Variants in HSD17B3 observed in about 807,000 individuals in gnomAD.
HSD17B3 encodes 17-beta-hydroxysteroid dehydrogenase type 3.
A neutral mutation model predicts 41.1 loss-of-function variants in HSD17B3; 29 were observed. The observed-to-expected ratio is 0.71, with a 90% CI of 0.53 to 0.96. The LOEUF (loss-of-function observed/expected upper bound fraction) is 0.96, where lower values mean the gene tolerates loss of function less well. Ranked by LOEUF, HSD17B3 falls within the 40% of genes least tolerant of loss-of-function variation. HSD17B3 has a pLI of 0.00. For synonymous variants in HSD17B3, 126 were observed against 145.6 expected, an observed-to-expected ratio of 0.87 and a Z score of 0.97; for missense variants, 323 against 374.6, an observed-to-expected ratio of 0.86 and a Z score of 1.14.
At chr9:96,282,754 G>T (rs906923503) in intron 2 of HSD17B3, among the ~76,000 whole-genome samples, 4 of 152,152 alleles carry the variant, frequency 2.6e-5, no homozygotes, top group African/African-American at 9.7e-5. Context: ...CTACCTGTAA[G>T]GCATGTAAGG....
At chr9:96,268,906 G>A (rs925551397) in intron 2 of HSD17B3, among the ~76,000 whole-genome samples, 1 of 152,092 alleles carries the variant, frequency 6.6e-6, no homozygotes, top group African/African-American at 2.4e-5. Flanking sequence ...CCGAGATCGT[G>A]GCACTGCACT....
At chr9:96,239,228 G>T (rs1836340480) in intron 10 of HSD17B3, 1 of 152,394 alleles carries the variant, frequency 6.6e-6, no homozygotes, top group South Asian at 2.1e-4. Flanking sequence ...TGGACCACAG[G>T]GCATCCTCTC....
At chr9:96,247,782 C>T (rs1836729728) in intron 6 of HSD17B3, among the ~76,000 whole-genome samples, 1 of 152,168 alleles carries the variant, frequency 6.6e-6, no homozygotes, top group Non-Finnish European at 1.5e-5. Context: ...TCTCGTGGGT[C>T]CCCGCCTCAA....
At chr9:96,245,516 C>CCGGACT in intron 7 of HSD17B3, 90 bp from the exon 8 acceptor site, 1 of 923,814 alleles carries the variant, frequency 1.1e-6, no homozygotes, top group East Asian at 2.5e-5. Flanking sequence ...GTGAACACTG[C>CCGGACT]CGGACTCGAC....
intron 1 of HSD17B3, among the ~76,000 whole-genome samples, chr9:96,301,086 TG>T (rs71498989): frequency 6.6e-6 from 1 of 152,178 alleles, no homozygotes; most frequent in Non-Finnish European, 1.5e-5. Flanking sequence ...ACTCATCTAA[TG>T]GGGTTGAGAG....
intron 9 of HSD17B3, among the ~76,000 whole-genome samples, chr9:96,243,047 TGGCATGTC>T (rs1836514904): frequency 6.6e-6 from 1 of 152,222 alleles, no homozygotes; most frequent in Admixed American, 6.5e-5. Context: ...CCTTTTCCTC[TGGCATGTC>T]GGCTGCTCCG....
intron 6 of HSD17B3, among the ~76,000 whole-genome samples, chr9:96,249,195 GC>G (rs901418542): frequency 6.6e-6 from 1 of 152,146 alleles, no homozygotes; most frequent in Non-Finnish European, 1.5e-5. Context: ...GAGCCACCAC[GC>G]CCAGCCAATC....
chr9:96,298,267 A>ATT (rs890690368), intron 2 of HSD17B3, 149 bp downstream of exon 2: 1 of 754,342 alleles, frequency 1.3e-6, no homozygotes, highest in East Asian at 2.5e-5. Context: ...TGAGATTATT[A>ATT]TTTTTGTTTG....
intron 2 of HSD17B3, among the ~76,000 whole-genome samples, chr9:96,258,396 T>TA (rs773987373): frequency 6.6e-6 from 1 of 152,220 alleles, no homozygotes; most frequent in African/African-American, 2.4e-5. Flanking sequence ...AATGTTGACT[T>TA]AGTCATTTGC....
intron 2 of HSD17B3, among the ~76,000 whole-genome samples, chr9:96,267,632 T>A (rs979104140): frequency 5.3e-5 from 8 of 151,560 alleles, no homozygotes; most frequent in East Asian, 1.9e-4. Flanking sequence ...ATGAAAAAAA[T>A]TTATTTGAAA....
chr9:96,253,565 G>A (rs8190539), intron 3 of HSD17B3, among the ~76,000 whole-genome samples: 182 of 152,206 alleles, frequency 1.2e-3, no homozygotes, highest in Non-Finnish European at 2.3e-3. Flanking sequence ...GCTAACTGAC[G>A]TAGCCAAGAC....
At chr9:96,251,110 G>A (rs978170598) in intron 5 of HSD17B3, 7 of 402,546 alleles carry the variant, frequency 1.7e-5, no homozygotes, top group Non-Finnish European at 2.7e-5. Flanking sequence ...AGCTGCGAAT[G>A]TGTTAGGCAG....
At chr9:96,243,185 A>AT (rs1564024176) in intron 9 of HSD17B3, among the ~76,000 whole-genome samples, 1 of 152,190 alleles carries the variant, frequency 6.6e-6, no homozygotes, top group South Asian at 2.1e-4. Flanking sequence ...TTTAGGGGTT[A>AT]TTTTTTTACT....
chr9:96,272,490 C>A (rs1418777667), intron 2 of HSD17B3, among the ~76,000 whole-genome samples: 2 of 128,658 alleles, frequency 1.6e-5, no homozygotes, highest in African/African-American at 5.8e-5. Flanking sequence ...CATTATTAGC[C>A]ATCAGGGAAA....
intron 9 of HSD17B3, among the ~76,000 whole-genome samples, chr9:96,241,967 AAGAAAGAAAGAAAG>A (rs1836462184): frequency 6.9e-6 from 1 of 145,404 alleles, no homozygotes; most frequent in African/African-American, 2.6e-5. Context: ...CAGAAAAAGA[AAGAAAGAAAGAAAG>A]AAAGAAAGAA....
intron 2 of HSD17B3, among the ~76,000 whole-genome samples, chr9:96,264,500 A>G (rs1246536067): frequency 6.6e-6 from 1 of 152,180 alleles, no homozygotes; most frequent in Admixed American, 6.6e-5. Context: ...ACTCCAGGGT[A>G]GACCTGTTTT....
chr9:96,245,236 C>G, intron 8 of HSD17B3, 109 bp downstream of exon 8: 1 of 859,590 alleles, frequency 1.2e-6, no homozygotes. Context: ...CATAAGAGAG[C>G]ATCTCCAGGT....
intron 7 of HSD17B3, among the ~76,000 whole-genome samples, chr9:96,246,308 AAAC>A (rs764406950): frequency 9.9e-5 from 15 of 152,244 alleles, no homozygotes; most frequent in Non-Finnish European, 1.9e-4. Flanking sequence ...GTGTGTGCTG[AAAC>A]TGCCGTTCTC....
intron 2 of HSD17B3, among the ~76,000 whole-genome samples, chr9:96,291,579 T>C (rs78656679): frequency 6.6e-6 from 1 of 152,314 alleles, no homozygotes; most frequent in African/African-American, 2.4e-5. Context: ...AAGATCTTAA[T>C]CTGAATGAGA....
Sources: allele counts gnomAD v4.1 joint callset (sites outside exome capture counted in the v4.1 genomes callset), GRCh38; gene constraint gnomAD v4.1.1; transcripts MANE v1.5; gene names NCBI Gene and HGNC (gene_info 2026-07-23, HGNC 2026-07-21).